ECT2L: variants seen among roughly 807,000 people sequenced by gnomAD.
The protein encoded by ECT2L is epithelial cell-transforming sequence 2 oncogene-like.
ECT2L carries 126 observed loss-of-function variants against 122.8 expected under a neutral mutation model. That is an observed-to-expected ratio of 1.03 (90% CI 0.89 to 1.19). The LOEUF is 1.19. Among genes scored for constraint, ECT2L ranks in the 50% most tolerant of loss-of-function variants. The pLI, the probability that ECT2L is intolerant of heterozygous loss-of-function variation, is 0.00. For synonymous variants in ECT2L, 385 were observed against 381.8 expected (o/e 1.01, Z -0.10); for missense variants, 1,012 against 1,064.1 (o/e 0.95, Z 0.68).
chr6:138,851,980 G>A (rs542802524), intron 9 of ECT2L, among the ~76,000 whole-genome samples: 7 of 152,216 alleles, frequency 4.6e-5, no homozygotes, highest in Non-Finnish European at 8.8e-5. Flanking sequence ...CAGGGCAGCC[G>A]TCAAAAATCT....
intron 13 of ECT2L, among the ~76,000 whole-genome samples, chr6:138,872,827 G>A (rs929935703): frequency 2.0e-5 from 3 of 151,890 alleles, no homozygotes; most frequent in Non-Finnish European, 4.4e-5. Context: ...CTATTACCTC[G>A]AAACCCAGGC....
intron 11 of ECT2L, among the ~76,000 whole-genome samples, chr6:138,863,609 T>A (rs928249298): frequency 6.6e-6 from 1 of 150,962 alleles, no homozygotes; most frequent in Admixed American, 6.6e-5. Flanking sequence ...GGAACAGGTT[T>A]TCTTTCTTTT....
intron 5 of ECT2L, 80 bp from the exon 6 acceptor site, chr6:138,842,898 AG>A (rs1777091049): frequency 3.1e-6 from 4 of 1,291,530 alleles, no homozygotes; most frequent in Non-Finnish European, 4.0e-6. Context: ...GTAATGAAAA[AG>A]TATCTGTGTA....
intron 12 of ECT2L, among the ~76,000 whole-genome samples, 155 bp downstream of exon 12, chr6:138,865,333 A>G (rs915980402): frequency 3.9e-5 from 6 of 152,210 alleles, no homozygotes; most frequent in Non-Finnish European, 7.3e-5. Flanking sequence ...CCTTTCAAAT[A>G]TAACGAACAA....
At chr6:138,818,638 G>A (rs1347352740) in intron 4 of ECT2L, among the ~76,000 whole-genome samples, 1 of 152,184 alleles carries the variant, frequency 6.6e-6, no homozygotes, top group Non-Finnish European at 1.5e-5. Flanking sequence ...TAGCTACAGG[G>A]ACTGCTGCAT....
At chr6:138,826,787 G>A (rs189203253) in intron 4 of ECT2L, among the ~76,000 whole-genome samples, 146 of 152,226 alleles carry the variant, frequency 9.6e-4, no homozygotes, top group African/African-American at 3.3e-3. Context: ...GTCACGGGGG[G>A]CAGATCCCTC....
intron 6 of ECT2L, among the ~76,000 whole-genome samples, chr6:138,844,084 A>G (rs916521838): frequency 6.6e-6 from 1 of 152,230 alleles, no homozygotes; most frequent in Non-Finnish European, 1.5e-5. Flanking sequence ...CTCTGGTGAG[A>G]TCGTGACAAA....
intron 9 of ECT2L, among the ~76,000 whole-genome samples, chr6:138,852,078 C>G (rs1777468900): frequency 6.6e-6 from 1 of 152,132 alleles, no homozygotes; most frequent in Non-Finnish European, 1.5e-5. Flanking sequence ...CAGGAGCCCA[C>G]AGCAGCCTGG....
At chr6:138,803,264 A>G (rs1775605451) in intron 1 of ECT2L, among the ~76,000 whole-genome samples, 1 of 151,634 alleles carries the variant, frequency 6.6e-6, no homozygotes, top group Admixed American at 6.6e-5. Flanking sequence ...CTAAAAAAAA[A>G]AAGGAAAGAG....
intron 1 of ECT2L, among the ~76,000 whole-genome samples, chr6:138,801,789 T>C (rs370810898): frequency 1.4e-4 from 21 of 151,948 alleles, no homozygotes; most frequent in East Asian, 9.7e-4. Flanking sequence ...CTCCAGTAAG[T>C]AGATGAAGAA....
chr6:138,879,872 G>A (rs1778585616), intron 14 of ECT2L, among the ~76,000 whole-genome samples: 1 of 152,178 alleles, frequency 6.6e-6, no homozygotes, highest in South Asian at 2.1e-4. Flanking sequence ...AGAATTGCTT[G>A]AACCCAGGAG....
chr6:138,882,823 T>A lies in ECT2L; in HGVS notation c.1980T>A (p.Tyr660Ter). 10 of 1,614,208 alleles carry A rather than the reference T, an allele frequency of 6.2e-6. No homozygotes were observed. The highest frequency in any genetic ancestry group is 8.5e-6 in the Non-Finnish European group (10 of 1,180,036). Reference sequence around the variant, plus strand: ...AGTTTGGAAGCCAGTTAAACACATATACCAATTTCTTCAACAATTACCCTG... The same window carrying A: ...AGTTTGGAAGCCAGTTAAACACATAAACCAATTTCTTCAACAATTACCCTG... The part of the protein sequence containing the change: ...VTKFGSQLNT[Y>*]TNFFNNYPVI... Residue 660 changes from tyrosine to a stop codon, truncating the protein, a stop_gained, in exon 16 of 22, where the codon TAT (tyrosine) becomes TAA (stop). Transcript: ENST00000541398. LOFTEE classifies it high-confidence loss of function.
In ECT2L at chr6:138,847,355, C is replaced by CTTTTT. The variant is rs1170631663; in HGVS notation, c.903+707_903+711dup. Among the ~76,000 whole-genome samples, 182 of 54,954 alleles carry CTTTTT rather than the reference C, an allele frequency of 3.3e-3. 50 individuals are homozygous for CTTTTT. Among genetic ancestry groups the CTTTTT allele is most frequent in the African/African-American group, 0.013 (160 of 12,292 alleles). 36.1% of individuals were successfully genotyped at this position (54,954 alleles called of 152,430 possible). A position where few individuals can be genotyped will look rare whatever the true frequency, so the allele number is the denominator to read the frequency against. On this transcript the variant is annotated intron_variant, in intron 8 of 21. Transcript: ENST00000541398. ...TTTGAAAAAGCATTAAAGGCCCAAA[C>CTTTTT]TTTTTTTTTTTTTTTTTTTTTTTTT...
chr6:138,802,369 T>G (rs1355523886), intron 1 of ECT2L, among the ~76,000 whole-genome samples: 1 of 152,234 alleles, frequency 6.6e-6, no homozygotes, highest in Non-Finnish European at 1.5e-5. Context: ...TAATAAGTGT[T>G]TGTTATTTTA....
intron 14 of ECT2L, chr6:138,879,109 T>C (rs189817055): frequency 1.2e-3 from 227 of 195,790 alleles, no homozygotes; most frequent in Non-Finnish European, 2.0e-3. Context: ...CTTCCAACTC[T>C]GCAGGTGTGT....
chr6:138,824,818 G>T (rs1329451351), intron 4 of ECT2L, among the ~76,000 whole-genome samples: 4 of 152,136 alleles, frequency 2.6e-5, no homozygotes, highest in Non-Finnish European at 2.9e-5. Flanking sequence ...GGTTGCCTGT[G>T]TTGTTGCCAA....
chr6:138,882,889 C>G lies in ECT2L; in HGVS notation c.2028+18C>G. ...TTGAGAAGGTAAATGAGTTTCAATT[C>G]CATCATTCTATAAGACCTGAGCTAG... is the stretch of plus-strand genomic sequence containing the variant. On this transcript the variant is annotated intron_variant, in intron 16 of 21. Coordinates refer to ENST00000541398, the MANE Select transcript of ECT2L (RefSeq NM_001077706.3). The G allele has an allele frequency of 6.3e-7, 1 of 1,593,898 alleles. No homozygotes were observed. Among genetic ancestry groups the G allele is most frequent in the African/African-American group, 1.3e-5 (1 of 74,856 alleles).
At chr6:138,889,897 T>G (rs1778959118) in intron 20 of ECT2L, among the ~76,000 whole-genome samples, 1 of 152,190 alleles carries the variant, frequency 6.6e-6, no homozygotes, top group South Asian at 2.1e-4. Flanking sequence ...TATTTCAGAT[T>G]TTGCTGGCCA....
chr6:138,838,811 C>T (rs1300576548), intron 5 of ECT2L, among the ~76,000 whole-genome samples: 1 of 152,238 alleles, frequency 6.6e-6, no homozygotes, highest in Non-Finnish European at 1.5e-5. Flanking sequence ...CGGAGTCTCG[C>T]TCTGTTGCCC....
Sources: gnomAD v4.1 joint callset for allele counts (sites outside exome capture counted in the v4.1 genomes callset) on GRCh38, gnomAD v4.1.1 for gene constraint, MANE v1.5 for transcripts, NCBI Gene and HGNC (gene_info 2026-07-23, HGNC 2026-07-21) for gene names.